The following PRKG1 variants were observed in gnomAD, a reference collection of about 807,000 sequenced individuals.
PRKG1 encodes the protein protein kinase cGMP-dependent 1.
A neutral mutation model predicts 88.1 loss-of-function variants in PRKG1; 35 were observed. That is an observed-to-expected ratio of 0.40 (90% CI 0.30 to 0.53). PRKG1 has a LOEUF of 0.53. Ranked by LOEUF, PRKG1 falls within the 20% of genes least tolerant of loss-of-function variation. PRKG1 has a pLI of 0.59. For missense variants in PRKG1, 540 were observed against 839.8 expected (o/e 0.64, Z 4.41); for synonymous variants, 303 against 292.5 (o/e 1.04, Z -0.37).
chr10:51,479,140 G>C (rs865806302), intron 3 of PRKG1, among the ~76,000 whole-genome samples: 11 of 151,480 alleles, frequency 7.3e-5, no homozygotes, highest in Middle Eastern at 6.9e-3. Flanking sequence ...GAAAAACTTA[G>C]ACCATGGACA....
At chr10:51,192,574 G>T (rs1837657859) in intron 2 of PRKG1, among the ~76,000 whole-genome samples, 1 of 151,886 alleles carries the variant, frequency 6.6e-6, no homozygotes, top group Non-Finnish European at 1.5e-5. Context: ...TTAGGAAAGT[G>T]AGCCTGAAGA....
intron 1 of PRKG1, among the ~76,000 whole-genome samples, chr10:51,130,837 G>T (rs1337562417): frequency 1.3e-5 from 2 of 151,960 alleles, no homozygotes; most frequent in African/African-American, 2.4e-5. Context: ...GGGAGGCAGA[G>T]GTTGCAGTGA....
intron 14 of PRKG1, among the ~76,000 whole-genome samples, chr10:52,288,089 G>T (rs185875378): frequency 6.6e-6 from 1 of 152,256 alleles, no homozygotes; most frequent in East Asian, 1.9e-4. Flanking sequence ...AGATTGCTAG[G>T]TTACGTGGGT....
At chr10:51,104,684 AATTTTT>A in intron 1 of PRKG1, among the ~76,000 whole-genome samples, 2 of 148,224 alleles carry the variant, frequency 1.3e-5, no homozygotes, top group South Asian at 4.3e-4. Context: ...ACACCTGGCT[AATTTTT>A]ATTTTTATTT....
At chr10:51,485,947 A>G (rs930473770) in intron 3 of PRKG1, among the ~76,000 whole-genome samples, 3 of 152,168 alleles carry the variant, frequency 2.0e-5, no homozygotes, top group Non-Finnish European at 4.4e-5. Context: ...AACAGTTCTC[A>G]TTAGAACAAG....
intron 2 of PRKG1, among the ~76,000 whole-genome samples, chr10:51,411,870 A>C (rs1181061859): frequency 1.3e-5 from 2 of 152,166 alleles, no homozygotes; most frequent in Non-Finnish European, 2.9e-5. Flanking sequence ...AAAACCAACT[A>C]GAGGATTGTG....
chr10:51,645,093 A>G (rs1839884825), intron 3 of PRKG1, among the ~76,000 whole-genome samples: 1 of 152,180 alleles, frequency 6.6e-6, no homozygotes, highest in African/African-American at 2.4e-5. Context: ...AAGTGCTGGG[A>G]TTACAGGTGT....
chr10:51,363,602 A>C (rs1310272639), intron 2 of PRKG1, among the ~76,000 whole-genome samples: 1 of 151,952 alleles, frequency 6.6e-6, no homozygotes, highest in African/African-American at 2.4e-5. Flanking sequence ...GTTATTGGTT[A>C]ACTACGGCTG....
At chr10:52,286,781 G>A (rs1229229089) in intron 14 of PRKG1, among the ~76,000 whole-genome samples, 3 of 151,540 alleles carry the variant, frequency 2.0e-5, no homozygotes, top group Non-Finnish European at 2.9e-5. Context: ...TATTGGTTAA[G>A]AAGCACACAT....
chr10:52,212,037 G>C (rs1839990648), intron 9 of PRKG1, among the ~76,000 whole-genome samples: 2 of 152,034 alleles, frequency 1.3e-5, no homozygotes, highest in Non-Finnish European at 2.9e-5. Context: ...AAAAACTTTA[G>C]ACAAATTTAA....
intron 5 of PRKG1, among the ~76,000 whole-genome samples, chr10:51,995,277 T>C (rs1445446210): frequency 2.0e-5 from 3 of 152,136 alleles, no homozygotes; most frequent in Non-Finnish European, 4.4e-5. Context: ...ATCAGACGCC[T>C]GTTTTAACAG....
intron 2 of PRKG1, among the ~76,000 whole-genome samples, chr10:51,430,246 C>T (rs1160906129): frequency 2.0e-5 from 3 of 151,922 alleles, no homozygotes; most frequent in Non-Finnish European, 2.9e-5. Flanking sequence ...AAGATCTCGT[C>T]TCTACAAAAA....
At chr10:51,521,168 T>C (rs1379267975) in intron 3 of PRKG1, among the ~76,000 whole-genome samples, 1 of 152,100 alleles carries the variant, frequency 6.6e-6, no homozygotes, top group Non-Finnish European at 1.5e-5. Flanking sequence ...GTGCCTGTAG[T>C]CCCAGCTACT....
At chr10:52,053,323 C>T (rs1416324116) in intron 5 of PRKG1, among the ~76,000 whole-genome samples, 1 of 152,024 alleles carries the variant, frequency 6.6e-6, no homozygotes, top group African/African-American at 2.4e-5. Flanking sequence ...TCTAGATACT[C>T]TAAGAAAATA....
Position 51,275,714 on chromosome 10 carries a change from G to A in PRKG1, c.478+122384G>A, listed in dbSNP as rs541154923. 2.6e-5 allele frequency among the ~76,000 whole-genome samples: 4 copies of A among 152,236 alleles called. No individual in the cohort carries two copies. The South Asian group carries it at 6.2e-4, about 24-fold the overall frequency. On this transcript the variant is annotated intron_variant, in intron 2 of 17. Coordinates refer to ENST00000373980, the MANE Select transcript of PRKG1 (RefSeq NM_006258.4). ...CATTCCCTGTATATACAATCTTAGA[G>A]AAGTAAACTTTCAAAAACAACCAGA...
chr10:51,059,672 C>T (rs1166146427), intron 1 of PRKG1, among the ~76,000 whole-genome samples: 3 of 152,094 alleles, frequency 2.0e-5, no homozygotes, highest in Non-Finnish European at 4.4e-5. Context: ...TTTAATTCTT[C>T]TGCAGCAAGA....
intron 10 of PRKG1, among the ~76,000 whole-genome samples, chr10:52,267,346 A>G (rs1410853650): frequency 6.6e-6 from 1 of 152,026 alleles, no homozygotes; most frequent in East Asian, 1.9e-4. Context: ...CAATTTCTCA[A>G]TATCTTTGCA....
intron 2 of PRKG1, among the ~76,000 whole-genome samples, chr10:51,371,495 CA>C (rs1419658314): frequency 6.6e-6 from 1 of 151,956 alleles, no homozygotes; most frequent in Non-Finnish European, 1.5e-5. Flanking sequence ...ACAAAACAAA[CA>C]AAAAATATTT....
chr10:51,996,442 A>G (rs1844445721), intron 5 of PRKG1, among the ~76,000 whole-genome samples: 1 of 152,080 alleles, frequency 6.6e-6, no homozygotes, highest in African/African-American at 2.4e-5. Flanking sequence ...TAATAAAGCA[A>G]ATAACCTGAT....
Sources: gnomAD v4.1 joint callset for allele counts (sites outside exome capture counted in the v4.1 genomes callset) on GRCh38, gnomAD v4.1.1 for gene constraint, MANE v1.5 for transcripts, NCBI Gene and HGNC (gene_info 2026-07-23, HGNC 2026-07-21) for gene names.